The following TAF3 variants were observed in gnomAD, a reference collection of about 807,000 sequenced individuals.
TAF3 encodes the protein TATA-box binding protein associated factor 3.
TAF3 carries 7 observed loss-of-function variants against 80.6 expected under a neutral mutation model. The ratio of observed to expected loss-of-function variants is 0.09; its 90% CI spans 0.05 to 0.16. The LOEUF (loss-of-function observed/expected upper bound fraction) is 0.16. Among genes scored for constraint, TAF3 ranks in the 10% least tolerant of loss-of-function variants. TAF3 has a pLI of 1.00. For synonymous variants in TAF3, 444 were observed against 446.1 expected, an observed-to-expected ratio of 1.00 and a Z score of 0.06; for missense variants, 921 against 1,140.2, an observed-to-expected ratio of 0.81 and a Z score of 2.77.
chr10:7,869,618 A>G (rs1422406362), intron 2 of TAF3, among the ~76,000 whole-genome samples: 1 of 152,180 alleles, frequency 6.6e-6, no homozygotes, highest in African/African-American at 2.4e-5. Context: ...TTTTCTCATA[A>G]TTTCCTTAAG....
chr10:7,953,829 CA>C (rs1165470418), intron 2 of TAF3, among the ~76,000 whole-genome samples: 1 of 151,262 alleles, frequency 6.6e-6, no homozygotes, highest in Non-Finnish European at 1.5e-5. Flanking sequence ...TAGTGAGACT[CA>C]AGAGTGCACG....
chr10:7,987,384 C>G (rs2131425841), intron 4 of TAF3, among the ~76,000 whole-genome samples: 1 of 152,262 alleles, frequency 6.6e-6, no homozygotes, highest in African/African-American at 2.4e-5. Flanking sequence ...CCCCTCCCCT[C>G]TAACAGATCA....
chr10:7,886,464 A>T (rs1435347151), intron 2 of TAF3, among the ~76,000 whole-genome samples: 1 of 152,206 alleles, frequency 6.6e-6, no homozygotes, highest in East Asian at 1.9e-4. Context: ...TTTACACAAA[A>T]TATATAATAA....
chr10:7,872,213 A>ATT (rs34945620), intron 2 of TAF3, among the ~76,000 whole-genome samples: 59,702 of 122,856 alleles, frequency 0.49, 14,261 homozygotes, highest in Admixed American at 0.58. Flanking sequence ...TGTTGGGTTG[A>ATT]TTTTTTTTTT....
chr10:7,818,509 G>A lies in TAF3; in HGVS notation c.-201G>A, dbSNP rs1003957790. 2 of 503,014 alleles carry A rather than the reference G, an allele frequency of 4.0e-6. No individual in the cohort carries two copies. The highest frequency in any genetic ancestry group is 3.5e-5 in the East Asian group (1 of 28,748). 31.2% of individuals were successfully genotyped at this position (503,014 alleles called of 1,614,324 possible). ...GCCTCGCCCCGGCGGCCGTCCAGCG[G>A]GAGGCGGAGCGAGTCCAAAATGGCG... On this transcript the variant is annotated 5_prime_UTR_variant, in exon 1 of 7. Transcript: ENST00000344293.
intron 2 of TAF3, among the ~76,000 whole-genome samples, chr10:7,913,732 GAC>G (rs1311708354): frequency 1.3e-5 from 2 of 152,208 alleles, no homozygotes; most frequent in African/African-American, 4.8e-5. Flanking sequence ...CTGAAAGTGA[GAC>G]AGCAGATACT....
At chr10:7,936,315 G>C (rs565515324) in intron 2 of TAF3, among the ~76,000 whole-genome samples, 1 of 152,230 alleles carries the variant, frequency 6.6e-6, no homozygotes, top group East Asian at 1.9e-4. Context: ...TGTGGGGTCT[G>C]TCAAAAGCTA....
intron 5 of TAF3, among the ~76,000 whole-genome samples, chr10:8,013,385 A>G (rs993004356): frequency 7.9e-5 from 12 of 152,158 alleles, no homozygotes; most frequent in Non-Finnish European, 1.8e-4. Context: ...AAAGACCCAA[A>G]TCATTAAGAA....
chr10:7,920,546 A>G (rs1233245864), intron 2 of TAF3, among the ~76,000 whole-genome samples: 5 of 152,210 alleles, frequency 3.3e-5, no homozygotes, highest in African/African-American at 1.2e-4. Flanking sequence ...ATAATGAAAT[A>G]GAAAATAATC....
chr10:7,835,218 GA>G (rs900810127), intron 2 of TAF3, among the ~76,000 whole-genome samples: 17 of 151,990 alleles, frequency 1.1e-4, no homozygotes, highest in Admixed American at 2.6e-4. Context: ...TGCTGAGCTA[GA>G]AAAAAAAGTC....
chr10:7,975,308 C>T (rs1831662609), intron 3 of TAF3, among the ~76,000 whole-genome samples: 1 of 152,072 alleles, frequency 6.6e-6, no homozygotes. Context: ...GAAAGAAGGT[C>T]ATGGGAAGAG....
chr10:7,945,770 C>T (rs1838018766), intron 2 of TAF3, among the ~76,000 whole-genome samples: 1 of 152,244 alleles, frequency 6.6e-6, no homozygotes, highest in South Asian at 2.1e-4. Context: ...CATCTTTAGA[C>T]AGTGACTGTC....
intron 4 of TAF3, among the ~76,000 whole-genome samples, chr10:7,997,848 C>A (rs886648832): frequency 6.6e-6 from 1 of 152,066 alleles, no homozygotes; most frequent in Non-Finnish European, 1.5e-5. Context: ...AAGTATGAAA[C>A]AAATAATGGT....
At chr10:7,937,766 C>G (rs1480987285) in intron 2 of TAF3, among the ~76,000 whole-genome samples, 1 of 152,234 alleles carries the variant, frequency 6.6e-6, no homozygotes, top group African/African-American at 2.4e-5. Flanking sequence ...TACTATGAGT[C>G]AGGCCCTGTG....
At chr10:7,942,724 GT>G (rs1837987459) in intron 2 of TAF3, among the ~76,000 whole-genome samples, 2 of 152,166 alleles carry the variant, frequency 1.3e-5, no homozygotes, top group Non-Finnish European at 2.9e-5. Flanking sequence ...CCCATCCCAA[GT>G]GGGCAGCCGA....
At chr10:7,859,454 G>C (rs977744891) in intron 2 of TAF3, among the ~76,000 whole-genome samples, 13 of 152,110 alleles carry the variant, frequency 8.5e-5, no homozygotes, top group Non-Finnish European at 1.9e-4. Flanking sequence ...ATTCCAGATT[G>C]GGGGAGAATA....
Position 7,965,144 on chromosome 10 carries a change from A to T in TAF3, c.1634A>T (p.Glu545Val). 6.2e-7 allele frequency: 1 copy of T among 1,612,020 alleles called. No homozygotes were observed. The highest frequency in any genetic ancestry group is 8.5e-7 in the Non-Finnish European group (1 of 1,179,408). The change falls in exon 3 of 7, where the codon GAA becomes GTA. Residue 545 changes from glutamate to valine, a missense_variant. Physicochemically the swap from Glu to Val is moderately radical, Grantham distance 121. Coordinates refer to ENST00000344293, the MANE Select transcript of TAF3 (RefSeq NM_031923.4). ...KKEKQRDRER[E>V]KDKNKDKSKE... ...GAAAAGCAGAGAGATAGGGAGAGGG[A>T]AAAAGACAAGAACAAGGACAAAAGT... is the stretch of plus-strand genomic sequence containing the variant.
chr10:7,951,475 G>A (rs1838081508), intron 2 of TAF3, among the ~76,000 whole-genome samples: 1 of 152,136 alleles, frequency 6.6e-6, no homozygotes, highest in South Asian at 2.1e-4. Context: ...TCATTCCTGT[G>A]GCAGTGGTTG....
intron 2 of TAF3, among the ~76,000 whole-genome samples, chr10:7,929,382 G>A (rs1319456698): frequency 2.0e-5 from 3 of 151,954 alleles, no homozygotes; most frequent in Non-Finnish European, 4.4e-5. Context: ...ACCTCTGGAT[G>A]GTAGGATTAT....
Sources: allele counts gnomAD v4.1 joint callset (sites outside exome capture counted in the v4.1 genomes callset), GRCh38; gene constraint gnomAD v4.1.1; transcripts MANE v1.5; gene names NCBI Gene and HGNC (gene_info 2026-07-23, HGNC 2026-07-21).